MPHOSPH6: variants seen among roughly 807,000 people sequenced by gnomAD.
The protein encoded by MPHOSPH6 is M-phase phosphoprotein 6.
MPHOSPH6 carries 25 observed loss-of-function variants against 21.8 expected under a neutral mutation model. That is an observed-to-expected ratio of 1.15 (90% CI 0.83 to 1.60). The LOEUF (loss-of-function observed/expected upper bound fraction) is 1.60, where lower values mean the gene tolerates loss of function less well. Ranked by LOEUF, MPHOSPH6 falls within the 40% of genes most tolerant of loss-of-function variation. The probability of loss-of-function intolerance (pLI) is 0.00; values close to 1 mark genes in which losing one functional copy is unlikely to be tolerated. For synonymous variants in MPHOSPH6, 84 were observed against 56.5 expected, an observed-to-expected ratio of 1.49 and a Z score of -2.18; for missense variants, 269 against 181.8, an observed-to-expected ratio of 1.48 and a Z score of -2.76.
intron 1 of MPHOSPH6, among the ~76,000 whole-genome samples, chr16:82,165,969 G>T (rs574400896): frequency 1.3e-5 from 2 of 152,320 alleles, no homozygotes; most frequent in African/African-American, 4.8e-5. Context: ...GAAAGTAAAT[G>T]GTACAGCCAC....
At chr16:82,164,519 C>A (rs531335992) in intron 1 of MPHOSPH6, 3 of 224,128 alleles carry the variant, frequency 1.3e-5, no homozygotes, top group African/African-American at 6.9e-5. Context: ...GGTTGAAATG[C>A]CCTTCTTATC....
At chr16:82,152,846 A>C (rs780266884) in intron 2 of MPHOSPH6, among the ~76,000 whole-genome samples, 1 of 152,232 alleles carries the variant, frequency 6.6e-6, no homozygotes, top group Non-Finnish European at 1.5e-5. Context: ...GAAAGCAAAC[A>C]TGTGGCTTTT....
At position 82,164,116 on chromosome 16, in the gene MPHOSPH6, A is replaced by G; in HGVS notation, c.130T>C (p.Trp44Arg). 2 of 1,613,176 alleles carry G rather than the reference A, an allele frequency of 1.2e-6. No individual in the cohort carries two copies. Among genetic ancestry groups the G allele is most frequent in the Non-Finnish European group, 1.7e-6 (2 of 1,179,874 alleles). The stretch of plus-strand genomic sequence containing the variant: ...TTAAGCTCTGGCAAATCCAAGTACC[A>G]GTGCTCTTCACTAATGATTTTCTTT... ...EEKKIISEEH[W>R]YLDLPELKEK... Residue 44 changes from tryptophan (W) to arginine (R), a missense_variant, in exon 2 of 5, where the codon TGG becomes CGG. Physicochemically the swap from Trp to Arg is moderately radical, Grantham distance 101. Transcript: ENST00000258169.
intron 2 of MPHOSPH6, among the ~76,000 whole-genome samples, chr16:82,159,321 TTTG>T (rs1483345834): frequency 6.6e-6 from 1 of 152,240 alleles, no homozygotes; most frequent in Non-Finnish European, 1.5e-5. Flanking sequence ...AGGTAATGAA[TTTG>T]TTATTTAAAT....
intron 2 of MPHOSPH6, among the ~76,000 whole-genome samples, chr16:82,158,349 A>AG (rs1906496522): frequency 6.6e-6 from 1 of 151,194 alleles, no homozygotes; most frequent in Non-Finnish European, 1.5e-5. Flanking sequence ...AAAAAAAAAA[A>AG]TTGGCTGGGC....
At chr16:82,168,473 T>TCC (rs377514524) in intron 1 of MPHOSPH6, among the ~76,000 whole-genome samples, 1,589 of 47,808 alleles carry the variant, frequency 0.033, 33 homozygotes, top group African/African-American at 0.15. Context: ...ACTCTCTCTC[T>TCC]TTTTTTTTTT....
At chr16:82,168,532 G>A (rs11645045) in intron 1 of MPHOSPH6, among the ~76,000 whole-genome samples, 106,529 of 149,150 alleles carry the variant, frequency 0.71, 39,036 homozygotes, top group Admixed American at 0.81. Context: ...GTGCAGTGGC[G>A]CCATCTCAGC....
In MPHOSPH6 at chr16:82,170,212, C is replaced by G. The variant is rs1906933330; in HGVS notation, c.-37G>C. On this transcript the variant is annotated 5_prime_UTR_variant, in exon 1 of 5. Coordinates refer to ENST00000258169, the MANE Select transcript of MPHOSPH6 (RefSeq NM_005792.2). Reference sequence around the variant, plus strand: ...CCCAGCGCCGCACTCCGGCCGCGAGCCTCACCGCACATGCGCGGAGCCGCG... The same window carrying G: ...CCCAGCGCCGCACTCCGGCCGCGAGGCTCACCGCACATGCGCGGAGCCGCG... The G allele has an allele frequency of 4.5e-6, 7 of 1,564,682 alleles. No individual in the cohort carries two copies. The highest frequency in any genetic ancestry group is 4.2e-5 in the African/African-American group (3 of 71,948).
rs766670665 is a variant in MPHOSPH6, at chr16:82,164,073, T to G, written c.164+9A>C. The G allele has an allele frequency of 7.6e-6, 12 of 1,583,898 alleles. No homozygotes were observed. The South Asian group carries it at 1.4e-4, about 18-fold the overall frequency. On this transcript the variant is annotated intron_variant, in intron 2 of 4. Transcript: ENST00000258169. ...CAAGCATCATCAGTATCAATTTTAATAAACCTACTCTTTCTCTTTAAGCTC... is the reference window on the plus strand; with the variant it reads ...CAAGCATCATCAGTATCAATTTTAAGAAACCTACTCTTTCTCTTTAAGCTC...
intron 3 of MPHOSPH6, 42 bp downstream of exon 3, chr16:82,151,382 C>A: frequency 1.3e-6 from 2 of 1,597,432 alleles, no homozygotes; most frequent in South Asian, 2.3e-5. Flanking sequence ...GAAAAAAATT[C>A]AATTGGAAAA....
At chr16:82,160,297 C>T (rs114148503) in intron 2 of MPHOSPH6, among the ~76,000 whole-genome samples, 1,911 of 152,274 alleles carry the variant, frequency 0.013, 36 homozygotes, top group African/African-American at 0.043. Flanking sequence ...GGCTAAAACA[C>T]ACCCACAAAA....
chr16:82,162,255 C>A (rs977524559), intron 2 of MPHOSPH6: 1 of 152,272 alleles, frequency 6.6e-6, no homozygotes, highest in Non-Finnish European at 1.5e-5. Context: ...GCATCAAACC[C>A]AGGTCTGCCT....
At chr16:82,168,472 C>CTCCT (rs1555541289) in intron 1 of MPHOSPH6, among the ~76,000 whole-genome samples, 1,941 of 47,968 alleles carry the variant, frequency 0.04, 46 homozygotes, top group African/African-American at 0.048. Context: ...TACTCTCTCT[C>CTCCT]TTTTTTTTTT....
chr16:82,160,173 G>A (rs1906562965), intron 2 of MPHOSPH6, among the ~76,000 whole-genome samples: 1 of 152,126 alleles, frequency 6.6e-6, no homozygotes, highest in Admixed American at 6.5e-5. Context: ...CTACATGCAT[G>A]GTTTTAAGAA....
At chr16:82,165,633 T>A (rs1261503589) in intron 1 of MPHOSPH6, among the ~76,000 whole-genome samples, 1 of 105,204 alleles carries the variant, frequency 9.5e-6, no homozygotes, top group East Asian at 3.1e-4. Flanking sequence ...ATTTTTATTG[T>A]ACCTTTTCTA....
intron 1 of MPHOSPH6, 180 bp downstream of exon 1, chr16:82,169,945 C>G (rs976261415): frequency 2.9e-6 from 2 of 698,018 alleles, no homozygotes; most frequent in African/African-American, 3.7e-5. Context: ...CGGCCTAATT[C>G]GTAAGCTGGT....
intron 2 of MPHOSPH6, among the ~76,000 whole-genome samples, chr16:82,155,710 C>A (rs1219844344): frequency 6.6e-6 from 1 of 152,072 alleles, no homozygotes; most frequent in Admixed American, 6.5e-5. Context: ...TCAAGATCAG[C>A]CTGGCCAACA....
intron 2 of MPHOSPH6, 22 bp downstream of exon 2, chr16:82,164,060 G>C (rs1906685366): frequency 6.7e-7 from 1 of 1,492,898 alleles, no homozygotes; most frequent in African/African-American, 1.4e-5. Context: ...AGCATCATCA[G>C]TATCAATTTT....
At chr16:82,158,105 T>C (rs1392816451) in intron 2 of MPHOSPH6, among the ~76,000 whole-genome samples, 3 of 152,174 alleles carry the variant, frequency 2.0e-5, no homozygotes, top group Non-Finnish European at 2.9e-5. Flanking sequence ...TAGAATGTTC[T>C]TGATGACACA....
Sources: gnomAD v4.1 joint callset for allele counts (sites outside exome capture counted in the v4.1 genomes callset) on GRCh38, gnomAD v4.1.1 for gene constraint, MANE v1.5 for transcripts, NCBI Gene and HGNC (gene_info 2026-07-23, HGNC 2026-07-21) for gene names.